The following TNRC6B variants were observed in gnomAD, a reference collection of about 807,000 sequenced individuals.
TNRC6B encodes trinucleotide repeat containing adaptor 6B.
A neutral mutation model predicts 203.6 loss-of-function variants in TNRC6B; 52 were observed. The ratio of observed to expected loss-of-function variants is 0.26; its 90% confidence interval spans 0.20 to 0.32. TNRC6B has a LOEUF of 0.32. Ranked by LOEUF, TNRC6B falls within the 10% of genes least tolerant of loss-of-function variation. The probability of loss-of-function intolerance (pLI) is 1.00; values close to 1 mark genes in which losing one functional copy is unlikely to be tolerated. For missense variants in TNRC6B, 1,923 were observed against 2,286.2 expected, an observed-to-expected ratio of 0.84 and a Z score of 3.24; for synonymous variants, 838 against 845.7, an observed-to-expected ratio of 0.99 and a Z score of 0.16.
At chr22:40,104,846 G>C (rs1479348168) in intron 1 of TNRC6B, among the ~76,000 whole-genome samples, 1 of 152,100 alleles carries the variant, frequency 6.6e-6, no homozygotes, top group East Asian at 1.9e-4. Flanking sequence ...AGACGAGAAG[G>C]CCGCAAAACT....
intron 12 of TNRC6B, among the ~76,000 whole-genome samples, chr22:40,297,595 G>A (rs1404990406): frequency 3.3e-5 from 5 of 152,180 alleles, no homozygotes; most frequent in Admixed American, 1.3e-4. Flanking sequence ...AGGCCAAGGC[G>A]GGTGGATCAC....
At chr22:40,316,085 T>A in intron 21 of TNRC6B, 73 bp downstream of exon 21, 1 of 1,405,064 alleles carries the variant, frequency 7.1e-7, no homozygotes, top group African/African-American at 1.4e-5. Context: ...TTGGGCATGG[T>A]GGCTCATGCC....
At chr22:40,153,091 A>T (rs377251856) in intron 3 of TNRC6B, among the ~76,000 whole-genome samples, 82 of 151,868 alleles carry the variant, frequency 5.4e-4, no homozygotes, top group African/African-American at 2.0e-3. Flanking sequence ...ACAGAACGAG[A>T]CTCCATCTCA....
chr22:40,080,591 A>G (rs1213579888), intron 1 of TNRC6B, among the ~76,000 whole-genome samples: 1 of 152,046 alleles, frequency 6.6e-6, no homozygotes, highest in East Asian at 1.9e-4. Flanking sequence ...ACTCTTTCCA[A>G]ATCTGTCCAT....
At chr22:40,142,792 T>G (rs2068656257) in intron 3 of TNRC6B, among the ~76,000 whole-genome samples, 1 of 152,284 alleles carries the variant, frequency 6.6e-6, no homozygotes, top group South Asian at 2.1e-4. Flanking sequence ...ACCTAAAGTA[T>G]AAGACTTCAC....
chr22:40,088,359 G>A (rs778432546), intron 1 of TNRC6B, among the ~76,000 whole-genome samples: 1 of 152,128 alleles, frequency 6.6e-6, no homozygotes, highest in Admixed American at 6.5e-5. Context: ...GAATGCAAGA[G>A]CTTCTACATA....
chr22:40,266,601 C>T lies in TNRC6B; in HGVS notation c.2371C>T (p.Leu791=). The T allele has an allele frequency of 6.2e-7, 1 of 1,612,172 alleles. No homozygotes were observed. The highest frequency in any genetic ancestry group is 2.2e-5 in the East Asian group (1 of 44,862). ...GTWGNGGNAS[L]ASKGGWEDCK... ...TTGGGGTAATGGTGGCAATGCAAGC[C>T]TAGCTTCAAAAGGTGGGTGGGAGGA... The change falls in exon 5 of 23, where the codon CTA becomes TTA. Residue 791 remains leucine, a synonymous_variant. Transcript: ENST00000454349.
At chr22:40,217,951 C>T (rs372233208) in intron 1 of TNRC6B, among the ~76,000 whole-genome samples, 35 of 133,004 alleles carry the variant, frequency 2.6e-4, no homozygotes, top group African/African-American at 4.0e-4. Flanking sequence ...CCAACCTGGG[C>T]GACAGAGTAA....
intron 12 of TNRC6B, among the ~76,000 whole-genome samples, chr22:40,292,931 A>G (rs2146537043): frequency 6.6e-6 from 1 of 152,290 alleles, no homozygotes; most frequent in Middle Eastern, 3.4e-3. Context: ...CTCTGTCTTT[A>G]AACAATCTGT....
intron 1 of TNRC6B, among the ~76,000 whole-genome samples, chr22:40,097,669 T>TACACACACACACACAC (rs6147625): frequency 7.4e-6 from 1 of 135,554 alleles, no homozygotes; most frequent in African/African-American, 2.7e-5. Flanking sequence ...AGGTATATCA[T>TACACACACACACACAC]ACACACACAC....
At position 40,301,340 on chromosome 22, in the gene TNRC6B, T is replaced by A. The variant is rs1259808823; in HGVS notation, c.4120+7T>A. On this transcript the variant is annotated splice_region_variant and intron_variant, in intron 15 of 22. Transcript: ENST00000454349. ...ATACCTGGATATGGTTCTGGTAAGT[T>A]GTTGGTAGAGAAAATTACCTTTTTA... 10 of 1,603,878 alleles carry A rather than the reference T, an allele frequency of 6.2e-6. No homozygotes were observed. Among genetic ancestry groups the A allele is most frequent in the Non-Finnish European group, 7.7e-6 (9 of 1,174,480 alleles).
chr22:40,165,135 C>T (rs1457639689), intron 4 of TNRC6B, among the ~76,000 whole-genome samples: 1 of 149,286 alleles, frequency 6.7e-6, no homozygotes, highest in East Asian at 2.0e-4. Flanking sequence ...ACTTTGTCAC[C>T]CAAGCAGTGC....
At chr22:40,175,467 C>T (rs925599468), upstream of TNRC6B, among the ~76,000 whole-genome samples, 6 of 152,162 alleles carry the variant, frequency 3.9e-5, no homozygotes, top group African/African-American at 1.4e-4. Context: ...CTATTTAACA[C>T]TTACAAGGCA....
rs2071157620 is a variant in TNRC6B, at chr22:40,310,318, CA to C, written c.4259-497del. ...AAGCAATTGCAGATGCTTTTCCCTC[CA>C]ATGGACTCTCTGTTTACACTGCTGC... On this transcript the variant is annotated intron_variant, in intron 16 of 22. Transcript: ENST00000454349. 2.0e-5 allele frequency among the ~76,000 whole-genome samples: 3 copies of C among 152,198 alleles called. 1 individual carries two copies. The South Asian group carries it at 6.2e-4, about 31-fold the overall frequency.
chr22:40,242,744 A>G (rs750022194), intron 1 of TNRC6B, among the ~76,000 whole-genome samples: 39 of 151,022 alleles, frequency 2.6e-4, no homozygotes, highest in Non-Finnish European at 3.7e-4. Flanking sequence ...TATTCTTAAT[A>G]TACTTAAATA....
intron 2 of TNRC6B, among the ~76,000 whole-genome samples, chr22:40,121,244 G>GTCCTTCCT (rs1206479318): frequency 1.5e-5 from 2 of 137,784 alleles, no homozygotes; most frequent in South Asian, 2.7e-4. Context: ...CCTCCCTTCC[G>GTCCTTCCT]TCCTTCCTTC....
At chr22:40,175,871 G>A (rs543860207), upstream of TNRC6B, among the ~76,000 whole-genome samples, 43 of 152,334 alleles carry the variant, frequency 2.8e-4, no homozygotes, top group African/African-American at 9.6e-4. Context: ...CTTTCCTGTC[G>A]TCATATCTGA....
At chr22:40,188,561 GCTCCC>G (rs1326740538) in intron 1 of TNRC6B, among the ~76,000 whole-genome samples, 27 of 152,286 alleles carry the variant, frequency 1.8e-4, no homozygotes, top group Non-Finnish European at 5.9e-5. Context: ...GATCGCGTGT[GCTCCC>G]CTCCAGGATC....
intron 3 of TNRC6B, among the ~76,000 whole-genome samples, chr22:40,143,997 C>A (rs1406919078): frequency 6.6e-6 from 1 of 152,074 alleles, no homozygotes; most frequent in Admixed American, 6.5e-5. Context: ...GAGCAAAATA[C>A]AAATTAAAAC....
Sources: allele counts gnomAD v4.1 joint callset (sites outside exome capture counted in the v4.1 genomes callset), GRCh38; gene constraint gnomAD v4.1.1; transcripts MANE v1.5; gene names NCBI Gene and HGNC (gene_info 2026-07-23, HGNC 2026-07-21).